DLC1: variants seen among roughly 807,000 people sequenced by gnomAD.
The protein encoded by DLC1 is DLC1 Rho GTPase activating protein.
A neutral mutation model predicts 140.3 loss-of-function variants in DLC1; 54 were observed. That is an observed-to-expected ratio of 0.38 (90% CI 0.31 to 0.48). The LOEUF is 0.48. Among genes scored for constraint, DLC1 ranks in the 20% least tolerant of loss-of-function variants. The pLI is 0.96. For synonymous variants in DLC1, 986 were observed against 728.1 expected (o/e 1.35, Z -5.70); for missense variants, 2,536 against 1,907.0 (o/e 1.33, Z -6.14).
intron 5 of DLC1, among the ~76,000 whole-genome samples, chr8:13,180,036 G>A (rs959486323): frequency 1.3e-5 from 2 of 152,090 alleles, no homozygotes; most frequent in Non-Finnish European, 2.9e-5. Context: ...TGCTCTAGAC[G>A]TAAGCCTTGA....
chr8:13,491,228 A>G (rs1445341160), intron 2 of DLC1, among the ~76,000 whole-genome samples: 1 of 151,622 alleles, frequency 6.6e-6, no homozygotes, highest in African/African-American at 2.4e-5. Flanking sequence ...TCAGCATTTG[A>G]CACTCTCTAA....
At chr8:13,494,451 G>T (rs1391064420) in intron 2 of DLC1, among the ~76,000 whole-genome samples, 1 of 152,158 alleles carries the variant, frequency 6.6e-6, no homozygotes, top group Non-Finnish European at 1.5e-5. Flanking sequence ...GATCACCCCT[G>T]TAGCCTTTTG....
At position 13,099,978 on chromosome 8, in the gene DLC1, A is replaced by G; in HGVS notation, c.2359T>C (p.Phe787Leu). ...AAGTTCTGCTCCACCACGTTGTTAAATGTTGACTGATTGAAAGGATCGAAG... is the reference window on the plus strand; with the variant it reads ...AAGTTCTGCTCCACCACGTTGTTAAGTGTTGACTGATTGAAAGGATCGAAG... ...EGFDPFNQST[F>L]NNVVEQNFKN... Residue 787 changes from phenylalanine to leucine, a missense_variant, in exon 9 of 18, where the codon TTT (phenylalanine) becomes CTT (leucine). Physicochemically the swap from Phe to Leu is conservative, Grantham distance 22. Coordinates refer to ENST00000276297, the MANE Select transcript of DLC1 (RefSeq NM_182643.3). The G allele has an allele frequency of 1.9e-6, 3 of 1,612,634 alleles. No individual in the cohort carries two copies. Among genetic ancestry groups the G allele is most frequent in the Non-Finnish European group, 2.5e-6 (3 of 1,180,038 alleles).
chr8:13,188,779 G>A (rs1306572672), intron 5 of DLC1, among the ~76,000 whole-genome samples: 3 of 79,502 alleles, frequency 3.8e-5, no homozygotes, highest in South Asian at 4.5e-4. Flanking sequence ...CCCAGCTAAT[G>A]TGTGTGTGTG....
intron 5 of DLC1, among the ~76,000 whole-genome samples, chr8:13,179,143 T>A (rs1248112657): frequency 6.6e-6 from 1 of 152,134 alleles, no homozygotes; most frequent in African/African-American, 2.4e-5. Context: ...ATTTCATGAG[T>A]ATAACAGTGA....
chr8:13,375,454 A>G (rs56103342), intron 4 of DLC1, among the ~76,000 whole-genome samples: 20,632 of 152,160 alleles, frequency 0.14, 1,548 homozygotes, highest in Non-Finnish European at 0.17. Context: ...TCATCTGCAA[A>G]CAGGGACAAT....
chr8:13,264,487 A>T (rs548156121), intron 5 of DLC1, among the ~76,000 whole-genome samples: 1 of 152,204 alleles, frequency 6.6e-6, no homozygotes, highest in Non-Finnish European at 1.5e-5. Flanking sequence ...TTAAATGTGC[A>T]AAATAATATT....
intron 5 of DLC1, among the ~76,000 whole-genome samples, chr8:13,244,413 T>C (rs1829673290): frequency 6.6e-6 from 1 of 151,916 alleles, no homozygotes; most frequent in South Asian, 2.1e-4. Context: ...TCCTCTCTTC[T>C]CAGCCTCCAG....
intron 5 of DLC1, among the ~76,000 whole-genome samples, chr8:13,171,212 C>T (rs918330526): frequency 2.0e-5 from 3 of 152,082 alleles, no homozygotes; most frequent in Admixed American, 6.6e-5. Context: ...TAACGTGTCA[C>T]GGGTTTTGAT....
intron 4 of DLC1, among the ~76,000 whole-genome samples, chr8:13,343,412 A>G (rs533430899): frequency 1.4e-4 from 21 of 152,314 alleles, no homozygotes; most frequent in African/African-American, 4.8e-4. Flanking sequence ...ACTGAATGGA[A>G]AAAAGCTTTA....
intron 5 of DLC1, among the ~76,000 whole-genome samples, chr8:13,124,883 C>G (rs1234235941): frequency 6.6e-6 from 1 of 152,182 alleles, no homozygotes; most frequent in Non-Finnish European, 1.5e-5. Context: ...AACTGGACCA[C>G]TAGAAACTGC....
chr8:13,293,612 G>A (rs113823977), intron 5 of DLC1, among the ~76,000 whole-genome samples: 14,445 of 151,976 alleles, frequency 0.095, 738 homozygotes, highest in South Asian at 0.16. Flanking sequence ...AAAACGAAAC[G>A]GGAGGTTTCT....
chr8:13,550,459 A>AT (rs1489493406), intron 1 of DLC1, among the ~76,000 whole-genome samples: 2 of 152,074 alleles, frequency 1.3e-5, no homozygotes, highest in Non-Finnish European at 2.9e-5. Context: ...CTAATACAGA[A>AT]TTTTTGCATG....
At chr8:13,170,811 G>T (rs1258799021) in intron 5 of DLC1, among the ~76,000 whole-genome samples, 1 of 151,818 alleles carries the variant, frequency 6.6e-6, no homozygotes, top group African/African-American at 2.4e-5. Flanking sequence ...GACATCTAAT[G>T]CTAGAAGAAT....
intron 5 of DLC1, among the ~76,000 whole-genome samples, chr8:13,153,300 G>C (rs1204832479): frequency 1.3e-5 from 2 of 152,304 alleles, no homozygotes; most frequent in South Asian, 2.1e-4. Flanking sequence ...GGCGCGTCTG[G>C]AGTTGTTCTC....
intron 1 of DLC1, among the ~76,000 whole-genome samples, chr8:13,565,534 A>G (rs993529634): frequency 2.6e-5 from 4 of 152,230 alleles, no homozygotes; most frequent in African/African-American, 9.6e-5. Context: ...TTTGGGTTGA[A>G]TAAATGAAGT....
At chr8:13,427,493 T>C (rs575211372) in intron 2 of DLC1, among the ~76,000 whole-genome samples, 1 of 152,202 alleles carries the variant, frequency 6.6e-6, no homozygotes, top group African/African-American at 2.4e-5. Flanking sequence ...TAGATGAAGA[T>C]TTAAAAGCAT....
At chr8:13,194,301 C>T (rs986538652) in intron 5 of DLC1, among the ~76,000 whole-genome samples, 3 of 152,216 alleles carry the variant, frequency 2.0e-5, no homozygotes, top group Admixed American at 6.5e-5. Flanking sequence ...CTATGTGGAA[C>T]GATTCAACAT....
At chr8:13,158,048 A>G (rs1348930335) in intron 5 of DLC1, among the ~76,000 whole-genome samples, 1 of 152,240 alleles carries the variant, frequency 6.6e-6, no homozygotes, top group South Asian at 2.1e-4. Context: ...CTTTGTTTAA[A>G]GTTTTAAAGC....
Sources: allele counts gnomAD v4.1 joint callset (sites outside exome capture counted in the v4.1 genomes callset), GRCh38; gene constraint gnomAD v4.1.1; transcripts MANE v1.5; gene names NCBI Gene and HGNC (gene_info 2026-07-23, HGNC 2026-07-21).